Variants in SEC14L1 observed in about 807,000 individuals in gnomAD.
The protein encoded by SEC14L1 is SEC14 like lipid binding 1.
SEC14L1 carries 48 observed loss-of-function variants against 85.3 expected under a neutral mutation model. That is an observed-to-expected ratio of 0.56 (90% CI 0.45 to 0.72). SEC14L1 has a LOEUF of 0.72. Ranked by LOEUF, SEC14L1 falls within the 30% of genes least tolerant of loss-of-function variation. The pLI is 0.00. For missense variants in SEC14L1, 682 were observed against 921.4 expected (o/e 0.74, Z 3.36); for synonymous variants, 391 against 355.5 (o/e 1.10, Z -1.12).
chr17:77,104,679 T>C (rs1008025772), intron 3 of SEC14L1, among the ~76,000 whole-genome samples: 1 of 149,812 alleles, frequency 6.7e-6, no homozygotes, highest in Non-Finnish European at 1.5e-5. Context: ...GAATCCCAGC[T>C]ACTCAGGAGG....
chr17:77,155,895 T>A (rs377194528), intron 3 of SEC14L1, among the ~76,000 whole-genome samples: 9 of 152,274 alleles, frequency 5.9e-5, no homozygotes, highest in African/African-American at 2.2e-4. Context: ...ACCTCATCTT[T>A]AAGATGAGGT....
upstream of SEC14L1, among the ~76,000 whole-genome samples, chr17:77,136,885 G>T (rs1307503998): frequency 6.6e-6 from 1 of 151,778 alleles, no homozygotes; most frequent in African/African-American, 2.4e-5. Flanking sequence ...GCATTCTTAA[G>T]AGAAAGCAAT....
intron 3 of SEC14L1, 197 bp downstream of exon 3, chr17:77,143,856 TA>T (rs911179788): frequency 1.7e-4 from 76 of 451,482 alleles, no homozygotes; most frequent in South Asian, 3.0e-4. Context: ...ATCTGCTTAT[TA>T]AAAAAAATGC....
chr17:77,129,169 G>A (rs547680397), intron 3 of SEC14L1, among the ~76,000 whole-genome samples: 1 of 152,194 alleles, frequency 6.6e-6, no homozygotes, highest in African/African-American at 2.4e-5. Flanking sequence ...GATGCCTGGC[G>A]GTGGGAAGCA....
At position 77,162,111 on chromosome 17, in the gene SEC14L1, C is replaced by T. The variant is rs114783025; in HGVS notation, c.63+18452C>T. ...GCCCAACGGGCAAGGGGGCGACTGC[C>T]TTTCCCAGGACGAGGGGCTTTCTGC... On this transcript the variant is annotated intron_variant, in intron 3 of 16. Coordinates refer to ENST00000436233, the MANE Select transcript of SEC14L1 (RefSeq NM_001143998.2). Among the ~76,000 whole-genome samples, 1,139 of 152,060 alleles carry T rather than the reference C, an allele frequency of 7.5e-3. 16 individuals are homozygous for T. Among genetic ancestry groups the T allele is most frequent in the African/African-American group, 0.026 (1,060 of 41,474 alleles).
rs370610460 is a variant in SEC14L1 at position 77,143,717 on chromosome 17, A to G, written c.63+58A>G. ...CTTCTTATTTATAAAGTACAGTGTT[A>G]GAATTTGATGATCTATAGATTTATT... On this transcript the variant is annotated intron_variant, in intron 3 of 16. Transcript: ENST00000436233. 3 of 1,231,774 alleles carry G rather than the reference A, an allele frequency of 2.4e-6. No individual in the cohort carries two copies. The African/African-American group carries it at 4.5e-5, about 18-fold the overall frequency. 76.3% of individuals were successfully genotyped at this position (1,231,774 alleles called of 1,614,324 possible).
intron 13 of SEC14L1, among the ~76,000 whole-genome samples, chr17:77,207,939 G>A (rs1976549798): frequency 6.6e-6 from 1 of 152,148 alleles, no homozygotes; most frequent in African/African-American, 2.4e-5. Context: ...TGTCTTGGGA[G>A]CATTACGGAA....
intron 3 of SEC14L1, among the ~76,000 whole-genome samples, chr17:77,124,083 GC>G (rs1972373299): frequency 6.6e-6 from 1 of 152,126 alleles, no homozygotes; most frequent in African/African-American, 2.4e-5. Context: ...CCATGTCTTG[GC>G]CAGGGGTGGT....
At position 77,206,305 on chromosome 17, in the gene SEC14L1, C is replaced by T. The variant is rs2280271; in HGVS notation, c.1246C>T (p.Arg416Trp). Residue 416 changes from arginine to tryptophan, a missense_variant, in exon 12 of 17, where the codon CGG (arginine) becomes TGG (tryptophan). Coordinates refer to ENST00000436233, the MANE Select transcript of SEC14L1 (RefSeq NM_001143998.2). The surrounding 1 kb of genome is among the most constrained non-coding windows in gnomAD (Gnocchi z 4.3). ...GAGACCTGGTGTGAAAGCGCTGCTGCGGATCATCGAGGTGGTGGAGGCCAA... is the reference window on the plus strand; with the variant it reads ...GAGACCTGGTGTGAAAGCGCTGCTGTGGATCATCGAGGTGGTGGAGGCCAA... Reference protein sequence around the residue: ...LWRPGVKALLRIIEVVEANYP... With the variant: ...LWRPGVKALLWIIEVVEANYP... 1.2e-6 allele frequency: 2 copies of T among 1,614,052 alleles called. No homozygotes were observed. Among genetic ancestry groups the T allele is most frequent in the Non-Finnish European group, 1.7e-6 (2 of 1,179,998 alleles).
chr17:77,114,251 A>G (rs557794845), intron 3 of SEC14L1, among the ~76,000 whole-genome samples: 1 of 152,298 alleles, frequency 6.6e-6, no homozygotes, highest in Non-Finnish European at 1.5e-5. Context: ...CTGGCTGGGC[A>G]AGGTGGCTCA....
chr17:77,125,511 G>A (rs753506498), intron 3 of SEC14L1, among the ~76,000 whole-genome samples: 1 of 151,262 alleles, frequency 6.6e-6, no homozygotes, highest in Non-Finnish European at 1.5e-5. Context: ...AACAATAAAC[G>A]GATAGAGGAA....
chr17:77,213,455 A>T lies in SEC14L1; in HGVS notation c.2005A>T (p.Met669Leu). 1 of 1,612,246 alleles carries T rather than the reference A, an allele frequency of 6.2e-7. No individual in the cohort carries two copies. Among genetic ancestry groups the T allele is most frequent in the Non-Finnish European group, 8.5e-7 (1 of 1,180,028 alleles). Reference sequence around the variant, plus strand: ...GGTCTCTTCGCACAAGTGTAAAGTGATGTACTACACCGAGGTGATCGGCTC... The same window carrying T: ...GGTCTCTTCGCACAAGTGTAAAGTGTTGTACTACACCGAGGTGATCGGCTC... ...LQVSSHKCKV[M>L]YYTEVIGSED... is the part of the protein sequence containing the mutation. Residue 669 changes from methionine to leucine, a missense_variant, in exon 16 of 17, where the codon ATG becomes TTG. By Grantham distance (15) the Met-to-Leu change is conservative. Around this residue, in one of 3 missense-constraint regions of SEC14L1, gnomAD observed 420 missense variants for 619.5 expected, o/e 0.68. Coordinates refer to ENST00000436233, the MANE Select transcript of SEC14L1 (RefSeq NM_001143998.2). This position sits in a 1 kb window ranked among gnomAD's most constrained non-coding sequence, Gnocchi z 7.1.
chr17:77,128,304 C>T (rs555923221), intron 3 of SEC14L1, among the ~76,000 whole-genome samples: 2 of 152,298 alleles, frequency 1.3e-5, no homozygotes, highest in South Asian at 2.1e-4. Context: ...AGCACGGCGC[C>T]TGACCAGAGG....
intron 9 of SEC14L1, among the ~76,000 whole-genome samples, chr17:77,201,056 A>G (rs1205174139): frequency 6.6e-6 from 1 of 152,240 alleles, no homozygotes; most frequent in Non-Finnish European, 1.5e-5. Context: ...AAACCCTATG[A>G]TAGCTTAAAA....
chr17:77,194,383 C>T (rs1404646875), intron 6 of SEC14L1, among the ~76,000 whole-genome samples: 1 of 151,990 alleles, frequency 6.6e-6, no homozygotes, highest in African/African-American at 2.4e-5. Context: ...TGCGAAACCC[C>T]GTATTTACAA....
intron 10 of SEC14L1, among the ~76,000 whole-genome samples, chr17:77,204,108 G>A (rs1464233552): frequency 1.3e-5 from 2 of 152,174 alleles, no homozygotes; most frequent in African/African-American, 2.4e-5. Context: ...ATTGGCAGCT[G>A]TGCTTCCCCC....
At chr17:77,192,413 C>T (rs1290263282) in intron 5 of SEC14L1, among the ~76,000 whole-genome samples, 2 of 152,200 alleles carry the variant, frequency 1.3e-5, no homozygotes, top group Non-Finnish European at 2.9e-5. Context: ...CACAGTTCGC[C>T]CAGAGGAAGA....
At chr17:77,187,417 G>A (rs539069087) in intron 3 of SEC14L1, among the ~76,000 whole-genome samples, 3 of 151,072 alleles carry the variant, frequency 2.0e-5, no homozygotes, top group South Asian at 2.1e-4. Context: ...TCTCTCTGCC[G>A]CCCAGTTTGG....
intron 3 of SEC14L1, among the ~76,000 whole-genome samples, chr17:77,101,136 G>A (rs1432976161): frequency 6.6e-6 from 1 of 151,912 alleles, no homozygotes; most frequent in Non-Finnish European, 1.5e-5. Flanking sequence ...CAGGTAGAAA[G>A]GGCTCTGTCC....
Sources: gnomAD v4.1 joint callset for allele counts (sites outside exome capture counted in the v4.1 genomes callset) on GRCh38, gnomAD v4.1.1 for gene constraint, gnomAD v4.1.1 regional missense constraint, Gnocchi (gnomAD v3.1) non-coding constraint, MANE v1.5 for transcripts, NCBI Gene and HGNC (gene_info 2026-07-23, HGNC 2026-07-21) for gene names.